Variants in ADK observed in about 807,000 individuals in gnomAD.
ADK encodes the protein adenosine kinase.
In ADK, 24 loss-of-function variants were observed where a neutral mutation model predicts 44.7. The observed-to-expected ratio is 0.54, with a 90% CI of 0.39 to 0.76. The LOEUF (loss-of-function observed/expected upper bound fraction) is 0.76. Among genes scored for constraint, ADK ranks in the 30% least tolerant of loss-of-function variants. The pLI is 0.00. For synonymous variants in ADK, 128 were observed against 142.6 expected (o/e 0.90, Z 0.73); for missense variants, 321 against 425.1 (o/e 0.76, Z 2.15).
intron 2 of ADK, among the ~76,000 whole-genome samples, chr10:74,220,052 A>G (rs1247709842): frequency 1.3e-5 from 2 of 151,902 alleles, no homozygotes; most frequent in Non-Finnish European, 2.9e-5. Flanking sequence ...AGACACAAAA[A>G]ACCGTTCAAA....
intron 4 of ADK, among the ~76,000 whole-genome samples, chr10:74,392,262 A>G (rs1052952616): frequency 1.3e-5 from 2 of 152,160 alleles, no homozygotes; most frequent in Admixed American, 6.5e-5. Context: ...TGGCTGTACC[A>G]TGTTACATTT....
At chr10:74,467,272 A>G (rs1249149516) in intron 6 of ADK, among the ~76,000 whole-genome samples, 1 of 152,182 alleles carries the variant, frequency 6.6e-6, no homozygotes, top group Non-Finnish European at 1.5e-5. Flanking sequence ...ACACGTTGTT[A>G]CTGGTGCAAG....
At chr10:74,247,514 C>T (rs998925816) in intron 3 of ADK, among the ~76,000 whole-genome samples, 1 of 151,960 alleles carries the variant, frequency 6.6e-6, no homozygotes, top group South Asian at 2.1e-4. Context: ...TGGGATGAGC[C>T]ACCTTGCCTG....
chr10:74,457,652 T>C (rs747501916), intron 6 of ADK, among the ~76,000 whole-genome samples: 33 of 152,038 alleles, frequency 2.2e-4, no homozygotes, highest in Non-Finnish European at 2.6e-4. Flanking sequence ...ATAAAGAAAA[T>C]GTGGCACATA....
chr10:74,164,590 A>G (rs934080688), intron 1 of ADK, among the ~76,000 whole-genome samples: 4 of 152,046 alleles, frequency 2.6e-5, no homozygotes, highest in Non-Finnish European at 4.4e-5. Context: ...GTTCTTCTCT[A>G]CATAATACAT....
intron 4 of ADK, among the ~76,000 whole-genome samples, chr10:74,326,003 T>G (rs976042550): frequency 6.6e-6 from 1 of 152,084 alleles, no homozygotes; most frequent in African/African-American, 2.4e-5. Flanking sequence ...GCCTGGCTAA[T>G]TTTTGTATTT....
At chr10:74,186,671 T>C (rs1264044656) in intron 1 of ADK, among the ~76,000 whole-genome samples, 2 of 152,202 alleles carry the variant, frequency 1.3e-5, no homozygotes, top group Non-Finnish European at 2.9e-5. Context: ...TCTTTTACTA[T>C]AGATGTTAGT....
chr10:74,485,389 G>A (rs562038923), intron 6 of ADK, among the ~76,000 whole-genome samples: 182 of 151,932 alleles, frequency 1.2e-3, no homozygotes, highest in Admixed American at 2.8e-3. Context: ...TTGAGCCCAG[G>A]ATGTCAAGGT....
chr10:74,666,501 G>A (rs1480227067), intron 9 of ADK, among the ~76,000 whole-genome samples: 2 of 152,142 alleles, frequency 1.3e-5, no homozygotes, highest in Non-Finnish European at 2.9e-5. Context: ...CAAAAAGTTT[G>A]TGAAGAATTG....
intron 6 of ADK, among the ~76,000 whole-genome samples, chr10:74,500,417 G>A (rs1036661120): frequency 6.6e-6 from 1 of 152,092 alleles, no homozygotes; most frequent in Non-Finnish European, 1.5e-5. Flanking sequence ...TTAGTCAGTG[G>A]TTTGCAAAAC....
At chr10:74,423,679 AC>A in intron 6 of ADK, 1 of 441,134 alleles carries the variant, frequency 2.3e-6, no homozygotes. Flanking sequence ...CTTGTTACCC[AC>A]AAGTACAGTG....
chr10:74,263,789 T>C (rs903735214), intron 3 of ADK, among the ~76,000 whole-genome samples: 3 of 152,224 alleles, frequency 2.0e-5, no homozygotes, highest in Admixed American at 2.0e-4. Flanking sequence ...TTCGGCTCGC[T>C]TTTTCGTGTA....
At chr10:74,635,717 T>A (rs2134080247) in intron 9 of ADK, among the ~76,000 whole-genome samples, 1 of 152,214 alleles carries the variant, frequency 6.6e-6, no homozygotes, top group Non-Finnish European at 1.5e-5. Flanking sequence ...CTCTATTTAG[T>A]CTAAAGGCCA....
chr10:74,424,581 T>A, intron 6 of ADK, among the ~76,000 whole-genome samples: 2 of 141,166 alleles, frequency 1.4e-5, no homozygotes, highest in African/African-American at 5.4e-5. Context: ...CCCCTGCCTC[T>A]CTCCACCCCA....
At chr10:74,411,688 A>G (rs1212705770) in intron 6 of ADK, among the ~76,000 whole-genome samples, 2 of 152,136 alleles carry the variant, frequency 1.3e-5, no homozygotes, top group Admixed American at 6.5e-5. Flanking sequence ...AGCTGTGACG[A>G]TTTCTTAAAA....
chr10:74,243,592 A>G (rs544740167), intron 3 of ADK, among the ~76,000 whole-genome samples: 34 of 152,328 alleles, frequency 2.2e-4, no homozygotes, highest in South Asian at 1.7e-3. Context: ...AATAAATCAC[A>G]TTTTAAGGCT....
chr10:74,698,029 T>C (rs983143321), intron 10 of ADK, among the ~76,000 whole-genome samples: 1 of 152,210 alleles, frequency 6.6e-6, no homozygotes, highest in Non-Finnish European at 1.5e-5. Flanking sequence ...CAATTGTTAA[T>C]GAACAGAGGT....
intron 6 of ADK, chr10:74,508,402 C>G (rs1455877035): frequency 6.6e-6 from 1 of 152,130 alleles, no homozygotes; most frequent in Non-Finnish European, 1.5e-5. Flanking sequence ...GACTTTCTAA[C>G]TTTCTTGTTA....
intron 3 of ADK, among the ~76,000 whole-genome samples, chr10:74,263,559 C>T (rs2132381928): frequency 6.6e-6 from 1 of 152,246 alleles, no homozygotes; most frequent in African/African-American, 2.4e-5. Context: ...CAGAGTCTTC[C>T]ACCCAAATGG....
Sources: allele counts gnomAD v4.1 joint callset (sites outside exome capture counted in the v4.1 genomes callset), GRCh38; gene constraint gnomAD v4.1.1; transcripts MANE v1.5; gene names NCBI Gene and HGNC (gene_info 2026-07-23, HGNC 2026-07-21).